Variants in PAH observed in about 807,000 individuals in gnomAD.
PAH encodes phenylalanine-4-hydroxylase.
In PAH, 64 loss-of-function variants were observed where a neutral mutation model predicts 62.0. The ratio of observed to expected loss-of-function variants is 1.03; its 90% confidence interval spans 0.84 to 1.27. The LOEUF (loss-of-function observed/expected upper bound fraction) is 1.27, where lower values mean the gene tolerates loss of function less well. PAH is among the 50% of genes most tolerant of loss of function. The pLI is 0.00. For synonymous variants in PAH, 195 were observed against 196.2 expected, an observed-to-expected ratio of 0.99 and a Z score of 0.05; for missense variants, 579 against 542.8, an observed-to-expected ratio of 1.07 and a Z score of -0.66.
At chr12:102,839,801 T>A (rs1053389419) in intron 12 of PAH, among the ~76,000 whole-genome samples, 16 of 152,348 alleles carry the variant, frequency 1.1e-4, no homozygotes, top group South Asian at 2.1e-4. Context: ...TGTCTTCACA[T>A]ACCAGGTAAA....
At chr12:102,859,410 T>C (rs1256114442) in intron 5 of PAH, among the ~76,000 whole-genome samples, 1 of 152,188 alleles carries the variant, frequency 6.6e-6, no homozygotes, top group Non-Finnish European at 1.5e-5. Flanking sequence ...GAGGAGCTGG[T>C]ACCATTCCTT....
chr12:102,849,784 G>A (rs1875067589), intron 8 of PAH, among the ~76,000 whole-genome samples: 2 of 152,106 alleles, frequency 1.3e-5, no homozygotes, highest in Non-Finnish European at 2.9e-5. Context: ...ACAACAAGGG[G>A]GGCCCCACAT....
intron 3 of PAH, among the ~76,000 whole-genome samples, chr12:102,887,801 G>A (rs1447577895): frequency 1.3e-5 from 2 of 152,118 alleles, no homozygotes; most frequent in Admixed American, 6.5e-5. Context: ...TGTACAAAAT[G>A]GAGACCCAAA....
chr12:102,852,227 C>T (rs1438149317), intron 7 of PAH: 3 of 199,700 alleles, frequency 1.5e-5, no homozygotes, highest in African/African-American at 7.0e-5. Flanking sequence ...GGGAAGAAAA[C>T]CTACATTTAT....
chr12:102,849,090 T>C (rs1277554523), intron 8 of PAH, among the ~76,000 whole-genome samples: 1 of 152,190 alleles, frequency 6.6e-6, no homozygotes, highest in Non-Finnish European at 1.5e-5. Flanking sequence ...TGAGAAATGA[T>C]AGTGGCTGAG....
At chr12:102,917,789 C>T (rs1231721652), upstream of PAH, among the ~76,000 whole-genome samples, 2 of 152,182 alleles carry the variant, frequency 1.3e-5, no homozygotes, top group African/African-American at 4.8e-5. Context: ...TGGTGTTCTC[C>T]AGCTATTCGC....
rs752792040 is a variant in PAH at position 102,894,780 on chromosome 12, C to A, written c.307G>T (p.Gly103Cys). The A allele has an allele frequency of 7.4e-6, 12 of 1,613,948 alleles. No individual in the cohort carries two copies. Among genetic ancestry groups the A allele is most frequent in the Non-Finnish European group, 1.0e-5 (12 of 1,180,012 alleles). ...NIIKILRHDI[G>C]ATVHELSRDK... The stretch of plus-strand genomic sequence containing the variant: ...CGTGAAAGCTCATGGACAGTGGCAC[C>A]AATGTCATGCCTCAAGATCTTGATG... Residue 103 changes from glycine (G) to cysteine (C), a missense_variant, in exon 3 of 13, where the codon GGT becomes TGT. Physicochemically the swap from Gly to Cys is radical, Grantham distance 159 (BLOSUM62 -3). Coordinates refer to ENST00000553106, the MANE Select transcript of PAH (RefSeq NM_000277.3).
At chr12:102,900,106 G>T (rs1877692054) in intron 2 of PAH, among the ~76,000 whole-genome samples, 1 of 140,574 alleles carries the variant, frequency 7.1e-6, no homozygotes, top group South Asian at 2.3e-4. Flanking sequence ...CTGGAGTGCA[G>T]TGGCGTGATC....
At chr12:102,934,932 C>A (rs1879043931) in intron 1 of PAH, among the ~76,000 whole-genome samples, 1 of 151,752 alleles carries the variant, frequency 6.6e-6, no homozygotes, top group Non-Finnish European at 1.5e-5. Context: ...ATTGCTCTAA[C>A]TAGAACTTCA....
At chr12:102,912,663 T>C in intron 2 of PAH, 128 bp downstream of exon 2, 1 of 732,174 alleles carries the variant, frequency 1.4e-6, no homozygotes, top group Non-Finnish European at 2.5e-6. Flanking sequence ...TTGGTTAATG[T>C]AAAAACTTGA....
At chr12:102,897,134 A>G (rs1341729975) in intron 2 of PAH, among the ~76,000 whole-genome samples, 2 of 152,296 alleles carry the variant, frequency 1.3e-5, no homozygotes, top group South Asian at 2.1e-4. Flanking sequence ...ACTACCCTTT[A>G]AAGATTCTCT....
chr12:102,841,571 T>C (rs74521216), intron 11 of PAH, among the ~76,000 whole-genome samples: 2 of 152,278 alleles, frequency 1.3e-5, no homozygotes, highest in East Asian at 3.9e-4. Flanking sequence ...TTGCAGCAAA[T>C]GCTGTTATAC....
intron 4 of PAH, among the ~76,000 whole-genome samples, chr12:102,867,125 A>G (rs1006498985): frequency 6.6e-6 from 1 of 152,202 alleles, no homozygotes; most frequent in African/African-American, 2.4e-5. Flanking sequence ...AATACATACT[A>G]TGTGCCAGTT....
rs35122890 is a variant in PAH at position 102,862,946 on chromosome 12, G to GAA, written c.509+3648_509+3649dup. Reference sequence around the variant, plus strand: ...TCTTGTGGTAGCCAGCAATGATGGTGAAAAAAAAAAAATCAGGTAAGCTCT... The same window carrying GAA: ...TCTTGTGGTAGCCAGCAATGATGGTGAAAAAAAAAAAAAATCAGGTAAGCTCT... On this transcript the variant is annotated intron_variant, in intron 5 of 12. Coordinates refer to ENST00000553106, the MANE Select transcript of PAH (RefSeq NM_000277.3). 2.8e-3 allele frequency among the ~76,000 whole-genome samples: 417 copies of GAA among 147,514 alleles called. 5 individuals are homozygous for GAA. The highest frequency in any genetic ancestry group is 0.011 in the Middle Eastern group (3 of 282).
At chr12:102,877,290 G>C (rs1565859232) in intron 4 of PAH, 172 bp downstream of exon 4, 1 of 676,248 alleles carries the variant, frequency 1.5e-6, no homozygotes, top group Non-Finnish European at 2.7e-6. Flanking sequence ...TGATAATGAT[G>C]ATGACAATAA....
At chr12:102,917,757 C>T (rs77411738), upstream of PAH, among the ~76,000 whole-genome samples, 1,952 of 152,248 alleles carry the variant, frequency 0.013, 27 homozygotes, top group Middle Eastern at 0.027. Context: ...AATGTAAGAG[C>T]GATCTGGGTT....
intron 8 of PAH, among the ~76,000 whole-genome samples, chr12:102,850,323 G>A (rs565396951): frequency 6.6e-6 from 1 of 152,300 alleles, no homozygotes; most frequent in East Asian, 1.9e-4. Context: ...TTTGTTTAGA[G>A]AGGCTGCATC....
At chr12:102,897,939 T>C (rs1391863994) in intron 2 of PAH, among the ~76,000 whole-genome samples, 1 of 152,238 alleles carries the variant, frequency 6.6e-6, no homozygotes, top group Non-Finnish European at 1.5e-5. Flanking sequence ...TCTGTAATTA[T>C]GCCACAGTTT....
chr12:102,916,936 A>G, intron 1 of PAH, 135 bp downstream of exon 1: 1 of 819,100 alleles, frequency 1.2e-6, no homozygotes, highest in East Asian at 2.5e-5. Context: ...GACTTCCTGG[A>G]TATTCTCATC....
Sources: allele counts gnomAD v4.1 joint callset (sites outside exome capture counted in the v4.1 genomes callset), GRCh38; gene constraint gnomAD v4.1.1; transcripts MANE v1.5; gene names NCBI Gene and HGNC (gene_info 2026-07-23, HGNC 2026-07-21).